The following PRUNE2 variants were observed in gnomAD, a reference collection of about 807,000 sequenced individuals.
The protein encoded by PRUNE2 is protein prune homolog 2.
A neutral mutation model predicts 252.0 loss-of-function variants in PRUNE2; 164 were observed. That is an observed-to-expected ratio of 0.65 (90% CI 0.57 to 0.74). PRUNE2 has a LOEUF of 0.74. Among genes scored for constraint, PRUNE2 ranks in the 30% least tolerant of loss-of-function variants. The pLI, the probability that PRUNE2 is intolerant of heterozygous loss-of-function variation, is 0.00. For synonymous variants in PRUNE2, 1,292 were observed against 1,350.2 expected, an observed-to-expected ratio of 0.96 and a Z score of 0.94; for missense variants, 3,495 against 3,711.0, an observed-to-expected ratio of 0.94 and a Z score of 1.51.
intron 6 of PRUNE2, among the ~76,000 whole-genome samples, chr9:76,806,475 T>G (rs2056939606): frequency 6.6e-6 from 1 of 151,938 alleles, no homozygotes; most frequent in African/African-American, 2.4e-5. Flanking sequence ...AATTTAACAC[T>G]TATGAGGGGC....
Position 76,708,456 on chromosome 9 carries a change from G to T in PRUNE2, c.3818C>A (p.Thr1273Asn). The change falls in exon 8 of 19, where the codon ACC (threonine) becomes AAC (asparagine). Residue 1273 changes from threonine (T) to asparagine (N), a missense_variant. Physicochemically the swap from Thr to Asn is moderately conservative, Grantham distance 65. Coordinates refer to ENST00000376718, the MANE Select transcript of PRUNE2 (RefSeq NM_015225.3). ...HSPDAPAASG[T>N]SESEALISHL... Reference sequence around the variant, plus strand: ...AGATATAAGTGCCTCTGATTCACTGGTTCCAGAGGCTGCTGGCGCATCTGG... The same window carrying T: ...AGATATAAGTGCCTCTGATTCACTGTTTCCAGAGGCTGCTGGCGCATCTGG... The T allele has an allele frequency of 2.5e-6, 4 of 1,613,910 alleles. No homozygotes were observed. Among genetic ancestry groups the T allele is most frequent in the Non-Finnish European group, 3.4e-6 (4 of 1,179,886 alleles).
rs548865713 is a variant in PRUNE2 at position 76,795,548 on chromosome 9, TG to T, written c.756+28083del. Among the ~76,000 whole-genome samples the T allele has an allele frequency of 3.0e-3, 455 of 152,172 alleles. 3 individuals carry two copies. The highest frequency in any genetic ancestry group is 0.01 in the African/African-American group (424 of 41,516). ...CTGATTTTGAGTTACTAATAGCCCC[TG>T]GGGGGGAGCATGTTCTCCCAAAAGT... On this transcript the variant is annotated intron_variant, in intron 6 of 18. Coordinates refer to ENST00000376718, the MANE Select transcript of PRUNE2 (RefSeq NM_015225.3).
intron 9 of PRUNE2, among the ~76,000 whole-genome samples, chr9:76,672,069 C>A (rs1261520726): frequency 2.0e-5 from 3 of 150,860 alleles, no homozygotes; most frequent in Non-Finnish European, 4.4e-5. Context: ...CTTTAAATGT[C>A]AATGGACTAA....
Position 76,629,303 on chromosome 9 carries a change from AAAAG to A in PRUNE2, c.9051-17_9051-14del. Reference sequence around the variant, plus strand: ...GCTGAATTTTGAACTAAAAAAAAAAAAAAGAAAAAAATATGTATCATTAGTCACT... The same window carrying A: ...GCTGAATTTTGAACTAAAAAAAAAAAAAAAAAATATGTATCATTAGTCACT... On this transcript the variant is annotated splice_polypyrimidine_tract_variant and intron_variant, in intron 15 of 18. Transcript: ENST00000376718. The A allele has an allele frequency of 1.4e-6, 2 of 1,419,266 alleles. No homozygotes were observed. Among genetic ancestry groups the A allele is most frequent in the South Asian group, 1.3e-5 (1 of 78,764 alleles). 87.9% of individuals were successfully genotyped at this position (1,419,266 alleles called of 1,614,324 possible). A position where few individuals can be genotyped will look rare whatever the true frequency, so the allele number is the denominator to read the frequency against.
intron 6 of PRUNE2, among the ~76,000 whole-genome samples, chr9:76,740,912 A>G (rs914902763): frequency 1.3e-5 from 2 of 152,170 alleles, no homozygotes; most frequent in African/African-American, 4.8e-5. Context: ...ACACTCTTAC[A>G]TATTGATTTC....
intron 1 of PRUNE2, among the ~76,000 whole-genome samples, chr9:76,875,452 G>A (rs1001912959): frequency 6.6e-6 from 1 of 151,980 alleles, no homozygotes; most frequent in Non-Finnish European, 1.5e-5. Context: ...TGCAACCTCC[G>A]CCTCCCAGGT....
Position 76,614,298 on chromosome 9 carries a change from T to C in PRUNE2, c.*272A>G. 1.9e-6 allele frequency: 1 copy of C among 517,954 alleles called. No individual in the cohort carries two copies. Among genetic ancestry groups the C allele is most frequent in the Non-Finnish European group, 3.4e-6 (1 of 293,642 alleles). 32.1% of individuals were successfully genotyped at this position (517,954 alleles called of 1,614,324 possible). On this transcript the variant is annotated 3_prime_UTR_variant, in exon 19 of 19. Coordinates refer to ENST00000376718, the MANE Select transcript of PRUNE2 (RefSeq NM_015225.3). ...TAAGGGACAAAGTATCACTACACCGTGTTAATGAAGTATTGAAATGGAAGG... is the reference window on the plus strand; with the variant it reads ...TAAGGGACAAAGTATCACTACACCGCGTTAATGAAGTATTGAAATGGAAGG...
chr9:76,742,598 A>G (rs2135579773), intron 6 of PRUNE2, among the ~76,000 whole-genome samples: 1 of 152,230 alleles, frequency 6.6e-6, no homozygotes, highest in Non-Finnish European at 1.5e-5. Flanking sequence ...AGCCTGGGTG[A>G]TAAGGTGAAA....
intron 6 of PRUNE2, among the ~76,000 whole-genome samples, chr9:76,768,025 G>A (rs1371689173): frequency 3.3e-5 from 5 of 152,164 alleles, no homozygotes; most frequent in South Asian, 2.1e-4. Flanking sequence ...CCAGCTATAC[G>A]TGCATCACAG....
chr9:76,850,612 T>C lies in PRUNE2; in HGVS notation c.195A>G (p.Glu65=), dbSNP rs1406186193. The C allele has an allele frequency of 6.2e-7, 1 of 1,614,028 alleles. No homozygotes were observed. The highest frequency in any genetic ancestry group is 2.2e-5 in the East Asian group (1 of 44,898). The change falls in exon 3 of 19, where the codon GAA becomes GAG. Residue 65 remains glutamate, a synonymous_variant. Transcript: ENST00000376718. ...ACCTCGTCTCGGTGAAGTAGTTGAATTCAGTTCTTGGTATGTTCAGCACTG... is the reference window on the plus strand; with the variant it reads ...ACCTCGTCTCGGTGAAGTAGTTGAACTCAGTTCTTGGTATGTTCAGCACTG... ...CLPVLNIPRT[E]FNYFTETRFI... is the part of the protein sequence containing the mutation.
intron 4 of PRUNE2, among the ~76,000 whole-genome samples, chr9:76,830,930 A>ATTT (rs34591955): frequency 7.2e-6 from 1 of 138,526 alleles, no homozygotes; most frequent in Non-Finnish European, 1.5e-5. Flanking sequence ...AGTGAAAACA[A>ATTT]TTTTTTTTTT....
intron 6 of PRUNE2, 138 bp downstream of exon 6, chr9:76,823,494 A>G: frequency 1.5e-6 from 1 of 649,614 alleles, no homozygotes; most frequent in Non-Finnish European, 2.8e-6. Context: ...ATAACCTGCC[A>G]CTATATTCCA....
intron 6 of PRUNE2, among the ~76,000 whole-genome samples, chr9:76,766,217 A>C (rs891172897): frequency 6.6e-6 from 1 of 151,846 alleles, no homozygotes; most frequent in African/African-American, 2.4e-5. Context: ...AAATATACCA[A>C]AGTAAATGCA....
At chr9:76,691,924 G>C in intron 9 of PRUNE2, 1 of 626,750 alleles carries the variant, frequency 1.6e-6, no homozygotes. Context: ...GTTGCAAGGG[G>C]CTGGGCAGAA....
chr9:76,823,411 T>C, intron 6 of PRUNE2: 1 of 507,426 alleles, frequency 2.0e-6, no homozygotes, highest in Non-Finnish European at 3.6e-6. Flanking sequence ...CTGAGATGAA[T>C]GAAAGAGCAT....
chr9:76,851,216 G>A (rs950544604), intron 2 of PRUNE2, among the ~76,000 whole-genome samples: 1 of 152,016 alleles, frequency 6.6e-6, no homozygotes, highest in African/African-American at 2.4e-5. Flanking sequence ...CCAGCCAATG[G>A]TTCACATGTA....
intron 6 of PRUNE2, among the ~76,000 whole-genome samples, chr9:76,772,686 C>G (rs1328008834): frequency 2.0e-5 from 3 of 152,156 alleles, no homozygotes; most frequent in African/African-American, 4.8e-5. Flanking sequence ...ACCTCAGCCT[C>G]CCCAGTAGCT....
intron 6 of PRUNE2, among the ~76,000 whole-genome samples, chr9:76,822,423 C>T (rs1039336108): frequency 6.6e-6 from 1 of 152,208 alleles, no homozygotes; most frequent in Non-Finnish European, 1.5e-5. Flanking sequence ...ACCTGGCTTG[C>T]TCTTGGGTTT....
rs548381566 is a variant in PRUNE2, at chr9:76,818,639, C to T, written c.756+4993G>A. ...AGAGAGAAAACGGCCCTGAACAATT[C>T]CCTCAGACTCCAGTTCTGAAGAAAG... On this transcript the variant is annotated intron_variant, in intron 6 of 18. Coordinates refer to ENST00000376718, the MANE Select transcript of PRUNE2 (RefSeq NM_015225.3). Among the ~76,000 whole-genome samples the T allele has an allele frequency of 3.9e-4, 59 of 152,154 alleles. 1 individual carries two copies. In the South Asian group the frequency reaches 0.012, roughly 31 times the overall value.
Sources: allele counts gnomAD v4.1 joint callset (sites outside exome capture counted in the v4.1 genomes callset), GRCh38; gene constraint gnomAD v4.1.1; transcripts MANE v1.5; gene names NCBI Gene and HGNC (gene_info 2026-07-23, HGNC 2026-07-21).